XKR5: variants seen among roughly 807,000 people sequenced by gnomAD.
XKR5 encodes the protein XK related 5.
XKR5 carries 46 observed loss-of-function variants against 40.8 expected under a neutral mutation model. That is an observed-to-expected ratio of 1.13 (90% CI 0.89 to 1.44). The LOEUF (loss-of-function observed/expected upper bound fraction) is 1.44. Ranked by LOEUF, XKR5 falls within the 40% of genes most tolerant of loss-of-function variation. The pLI, the probability that XKR5 is intolerant of heterozygous loss-of-function variation, is 0.00. For synonymous variants in XKR5, 466 were observed against 356.1 expected (o/e 1.31, Z -3.48); for missense variants, 1,169 against 844.7 (o/e 1.38, Z -4.76).
intron 5 of XKR5, among the ~76,000 whole-genome samples, chr8:6,818,495 G>A (rs1157421350): frequency 2.6e-5 from 4 of 152,262 alleles, no homozygotes; most frequent in Non-Finnish European, 5.9e-5. Context: ...CTCAATGTGT[G>A]CTGATGTGAA....
At chr8:6,822,619 G>A (rs1011883552) in intron 4 of XKR5, among the ~76,000 whole-genome samples, 2 of 152,094 alleles carry the variant, frequency 1.3e-5, no homozygotes, top group Non-Finnish European at 1.5e-5. Flanking sequence ...GGCCCAAGGG[G>A]CAAATATTTC....
chr8:6,821,557 A>T (rs969127574), intron 5 of XKR5, among the ~76,000 whole-genome samples: 1 of 152,198 alleles, frequency 6.6e-6, no homozygotes, highest in Admixed American at 6.5e-5. Flanking sequence ...CATTGAGTAT[A>T]TGATATTATA....
At chr8:6,826,966 G>A (rs952165880) in intron 2 of XKR5, among the ~76,000 whole-genome samples, 4 of 152,312 alleles carry the variant, frequency 2.6e-5, no homozygotes, top group Admixed American at 6.5e-5. Flanking sequence ...CAACAAGAAA[G>A]AAGTCAGAAC....
Position 6,812,295 on chromosome 8 carries a change from A to G in XKR5, c.964T>C (p.Ser322Pro). 1.3e-6 allele frequency: 2 copies of G among 1,553,708 alleles called. No homozygotes were observed. The highest frequency in any genetic ancestry group is 2.4e-5 in the East Asian group (1 of 41,284). Residue 322 changes from serine (S) to proline (P), a missense_variant, in exon 7 of 7, where the codon TCC becomes CCC. Coordinates refer to ENST00000618742, the MANE Select transcript of XKR5 (RefSeq NM_207411.5). Reference protein sequence around the residue: ...VIYYSLLHPKSTDIWQGCLRK... With the variant: ...VIYYSLLHPKPTDIWQGCLRK... ...AGGCAGCCCTGCCAGATGTCTGTGG[A>G]TTTTGGATGCAGCAGGCTGTAATAA... is the stretch of plus-strand genomic sequence containing the variant.
At chr8:6,833,064 C>G (rs1804844762) in intron 1 of XKR5, among the ~76,000 whole-genome samples, 164 bp from the exon 2 acceptor site, 1 of 152,132 alleles carries the variant, frequency 6.6e-6, no homozygotes, top group South Asian at 2.1e-4. Context: ...GCAATTATTT[C>G]AGCTAGCAAA....
intron 1 of XKR5, among the ~76,000 whole-genome samples, chr8:6,834,867 C>T (rs1326778783): frequency 6.6e-6 from 1 of 152,168 alleles, no homozygotes; most frequent in Admixed American, 6.5e-5. Flanking sequence ...CGAAGGGCCG[C>T]GTCCCGCCCC....
intron 2 of XKR5, among the ~76,000 whole-genome samples, chr8:6,827,473 C>T (rs887700150): frequency 6.6e-6 from 1 of 152,154 alleles, no homozygotes; most frequent in African/African-American, 2.4e-5. Context: ...TCGGGGACTC[C>T]TCTTTGAAAT....
chr8:6,812,358 A>C lies in XKR5; in HGVS notation c.920-19T>G. On this transcript the variant is annotated intron_variant, in intron 6 of 6. Transcript: ENST00000618742. ...ACACTGCCTGAAAAAGAACAAAAAG[A>C]CCACAAGGTTATGTTCTTTGAAGTC... The C allele has an allele frequency of 2.0e-6, 3 of 1,523,658 alleles. No individual in the cohort carries two copies. The highest frequency in any genetic ancestry group is 2.6e-6 in the Non-Finnish European group (3 of 1,134,696). 94.4% of individuals were successfully genotyped at this position (1,523,658 alleles called of 1,614,324 possible).
chr8:6,824,356 G>A (rs990817785), intron 3 of XKR5, among the ~76,000 whole-genome samples: 5 of 151,992 alleles, frequency 3.3e-5, no homozygotes, highest in Admixed American at 1.3e-4. Flanking sequence ...GGGGATAGCA[G>A]GAGGGAGAGG....
Position 6,808,674 on chromosome 8 carries a change from C to T in XKR5, c.*2524G>A, listed in dbSNP as rs1182973991. The stretch of plus-strand genomic sequence containing the variant: ...TCCACAGGGCCTCGAACAGCAAGTA[C>T]ATGCCTTGATTTCTGCATACTCAGT... On this transcript the variant is annotated 3_prime_UTR_variant, in exon 7 of 7. Coordinates refer to ENST00000618742, the MANE Select transcript of XKR5 (RefSeq NM_207411.5). The T allele has an allele frequency of 6.6e-5, 10 of 152,190 alleles. No homozygotes were observed. In the East Asian group the frequency reaches 1.9e-3, roughly 29 times the overall value. The allele number at this position is 152,190 out of a possible 1,614,324, so 9.4% of individuals were successfully genotyped here. A position where few individuals can be genotyped will look rare whatever the true frequency, so the allele number is the denominator to read the frequency against.
At chr8:6,812,462 C>G (rs1563346472) in intron 6 of XKR5, 123 bp from the exon 7 acceptor site, 14 of 1,008,638 alleles carry the variant, frequency 1.4e-5, no homozygotes, top group Non-Finnish European at 2.0e-5. Context: ...CAAAATAGGA[C>G]TCTTGTTGGA....
intron 1 of XKR5, among the ~76,000 whole-genome samples, chr8:6,834,674 C>G (rs531756209): frequency 6.3e-4 from 95 of 151,594 alleles, no homozygotes; most frequent in African/African-American, 2.2e-3. Context: ...GGTACCCCCT[C>G]TTCCACCCCA....
chr8:6,823,282 T>A (rs2117100629), intron 4 of XKR5, among the ~76,000 whole-genome samples: 1 of 152,308 alleles, frequency 6.6e-6, no homozygotes, highest in Middle Eastern at 3.4e-3. Flanking sequence ...GACTAGCAGT[T>A]TCCAGTTCCT....
chr8:6,825,032 G>A, intron 3 of XKR5, 133 bp downstream of exon 3: 3 of 1,000,428 alleles, frequency 3.0e-6, no homozygotes, highest in Non-Finnish European at 4.4e-6. Context: ...CATCATCTGT[G>A]CCAGTGAGCT....
intron 6 of XKR5, 119 bp downstream of exon 6, chr8:6,815,688 G>C (rs777053853): frequency 9.7e-5 from 65 of 672,086 alleles, no homozygotes; most frequent in Non-Finnish European, 8.7e-5. Context: ...CAGTGAGCCT[G>C]GTTCCTTGGT....
chr8:6,825,412 CT>C (rs1804421071), intron 2 of XKR5, 63 bp from the exon 3 acceptor site: 5 of 1,437,484 alleles, frequency 3.5e-6, no homozygotes, highest in African/African-American at 2.9e-5. Context: ...ATAGGACGAG[CT>C]TTCATTTAGA....
chr8:6,825,212 AGCAGCAGGTGGGGCCCAGTCT>A lies in XKR5; in HGVS notation c.359_379del (p.Gln120_Leu126del), dbSNP rs1164867122. 6.2e-7 allele frequency: 1 copy of A among 1,613,098 alleles called. No individual in the cohort carries two copies. The highest frequency in any genetic ancestry group is 8.5e-7 in the Non-Finnish European group (1 of 1,179,640). On this transcript the variant is annotated inframe_deletion, in exon 3 of 7. Coordinates refer to ENST00000618742, the MANE Select transcript of XKR5 (RefSeq NM_207411.5). ...TGAGGCTAGAAAAACATATGTCTGAAGCAGCAGGTGGGGCCCAGTCTGCAGCAGGGCCTCCAAGAGTCGAAG... is the reference window on the plus strand; with the variant it reads ...TGAGGCTAGAAAAACATATGTCTGAAGCAGCAGGGCCTCCAAGAGTCGAAG...
Position 6,825,408 on chromosome 8 carries a change from C to T in XKR5, c.243-59G>A, listed in dbSNP as rs117693016. The T allele has an allele frequency of 6.2e-4, 888 of 1,442,646 alleles. 6 individuals are homozygous for T. The East Asian group carries it at 0.012, about 20-fold the overall frequency. The allele number at this position is 1,442,646 out of a possible 1,614,324, so 89.4% of individuals were successfully genotyped here. A position where few individuals can be genotyped will look rare whatever the true frequency, so the allele number is the denominator to read the frequency against. On this transcript the variant is annotated intron_variant, in intron 2 of 6. Transcript: ENST00000618742. ...CAGGCTGTGGCGAGATTCAATAGGA[C>T]GAGCTTTCATTTAGAGACATACTAC...
intron 1 of XKR5, 64 bp downstream of exon 1, chr8:6,835,372 T>G: frequency 7.4e-7 from 1 of 1,351,684 alleles, no homozygotes; most frequent in African/African-American, 1.5e-5. Context: ...CCTGTGCGGC[T>G]CCCGGCGCCG....
Sources: allele counts gnomAD v4.1 joint callset (sites outside exome capture counted in the v4.1 genomes callset), GRCh38; gene constraint gnomAD v4.1.1; transcripts MANE v1.5; gene names NCBI Gene and HGNC (gene_info 2026-07-23, HGNC 2026-07-21).